MAN1A2: variants seen among roughly 807,000 people sequenced by gnomAD.
The protein encoded by MAN1A2 is mannosyl-oligosaccharide 1,2-alpha-mannosidase IB.
Under a neutral mutation model 75.7 loss-of-function variants are expected in MAN1A2, and 26 were observed. The ratio of observed to expected loss-of-function variants is 0.34; its 90% CI spans 0.25 to 0.48. MAN1A2 has a LOEUF of 0.48. Ranked by LOEUF, MAN1A2 falls within the 20% of genes least tolerant of loss-of-function variation. The pLI is 0.99. For missense variants in MAN1A2, 562 were observed against 775.5 expected (o/e 0.72, Z 3.27); for synonymous variants, 247 against 264.6 (o/e 0.93, Z 0.65).
chr1:117,380,115 G>A (rs907310860), intron 1 of MAN1A2, among the ~76,000 whole-genome samples: 1 of 151,870 alleles, frequency 6.6e-6, no homozygotes, highest in African/African-American at 2.4e-5. Flanking sequence ...GCAATATAGA[G>A]GTTCTAATTT....
chr1:117,445,325 G>C (rs1649176684), intron 6 of MAN1A2, among the ~76,000 whole-genome samples: 1 of 152,116 alleles, frequency 6.6e-6, no homozygotes, highest in African/African-American at 2.4e-5. Context: ...GCCTTTGTCA[G>C]ATTTTGGTGT....
intron 1 of MAN1A2, among the ~76,000 whole-genome samples, chr1:117,394,334 G>A (rs1348482773): frequency 2.6e-5 from 4 of 151,974 alleles, no homozygotes; most frequent in African/African-American, 7.2e-5. Context: ...CGCCCGCCTC[G>A]GCCTCCCAAA....
intron 1 of MAN1A2, among the ~76,000 whole-genome samples, chr1:117,384,566 T>A (rs926644477): frequency 1.3e-5 from 2 of 152,162 alleles, no homozygotes; most frequent in African/African-American, 4.8e-5. Context: ...GAAGAATGTC[T>A]GTTCTGCTGT....
At chr1:117,419,962 A>C (rs888725813) in intron 4 of MAN1A2, among the ~76,000 whole-genome samples, 1 of 152,006 alleles carries the variant, frequency 6.6e-6, no homozygotes, top group African/African-American at 2.4e-5. Context: ...TCTACTTTAA[A>C]AATTTTTTTA....
intron 3 of MAN1A2, among the ~76,000 whole-genome samples, chr1:117,413,765 G>A (rs370872638): frequency 3.9e-5 from 6 of 152,114 alleles, no homozygotes; most frequent in East Asian, 3.9e-4. Context: ...AGTAAGCTGT[G>A]TGGATCATTT....
intron 6 of MAN1A2, among the ~76,000 whole-genome samples, chr1:117,445,620 G>A (rs373888752): frequency 5.1e-4 from 78 of 151,762 alleles, no homozygotes; most frequent in African/African-American, 1.4e-3. Flanking sequence ...TTGACCTGCC[G>A]GGCTTAAGTG....
At chr1:117,518,466 A>T (rs1369572565) in intron 12 of MAN1A2, among the ~76,000 whole-genome samples, 1 of 152,004 alleles carries the variant, frequency 6.6e-6, no homozygotes, top group Non-Finnish European at 1.5e-5. Context: ...AGGTGAAACC[A>T]TTTTGTAAAA....
chr1:117,487,853 G>T (rs918169824), intron 8 of MAN1A2, among the ~76,000 whole-genome samples: 2 of 151,942 alleles, frequency 1.3e-5, no homozygotes, highest in East Asian at 1.9e-4. Context: ...TACAAGTTAT[G>T]TGTTAACTTT....
At position 117,449,989 on chromosome 1, in the gene MAN1A2, G is replaced by T. The variant is rs1001771122; in HGVS notation, c.950+7664G>T. Among the ~76,000 whole-genome samples the T allele has an allele frequency of 2.0e-5, 3 of 152,214 alleles. No homozygotes were observed. The East Asian group carries it at 5.8e-4, about 29-fold the overall frequency. On this transcript the variant is annotated intron_variant, in intron 6 of 12. Transcript: ENST00000356554. ...GTGATGGGTGAAGCAGCAAGTACCA[G>T]TAGAGTGGGACATCGCTGAAAAGAT...
chr1:117,490,131 C>T (rs1650833963), intron 8 of MAN1A2, among the ~76,000 whole-genome samples: 1 of 151,600 alleles, frequency 6.6e-6, no homozygotes, highest in South Asian at 2.1e-4. Flanking sequence ...ATAGGCATAC[C>T]CATATGTTTA....
rs780071350 is a variant in MAN1A2 at position 117,527,567 on chromosome 1, C to T, written c.*4610C>T. 2.6e-5 allele frequency: 4 copies of T among 151,978 alleles called. No individual in the cohort carries two copies. Among genetic ancestry groups the T allele is most frequent in the South Asian group, 2.1e-4 (1 of 4,818 alleles). 9.4% of individuals were successfully genotyped at this position (151,978 alleles called of 1,614,324 possible). ...CCTGGAGTCTGTTCAGGTTTCAGGA[C>T]GATTGACTATAATGAAAGAGACAGA... On this transcript the variant is annotated 3_prime_UTR_variant, in exon 13 of 13. Transcript: ENST00000356554.
rs895436760 is a variant in MAN1A2, at chr1:117,525,436, C to T, written c.*2479C>T. On this transcript the variant is annotated 3_prime_UTR_variant, in exon 13 of 13. Coordinates refer to ENST00000356554, the MANE Select transcript of MAN1A2 (RefSeq NM_006699.5). ...AATTCTTATCCCATATAATGCTTAG[C>T]TTCCAAGAATATTCTTTACTTTCTT... 1 of 181,726 alleles carries T rather than the reference C, an allele frequency of 5.5e-6. No individual in the cohort carries two copies. The highest frequency in any genetic ancestry group is 2.3e-5 in the African/African-American group (1 of 42,596). 11.3% of individuals were successfully genotyped at this position (181,726 alleles called of 1,614,324 possible). A position where few individuals can be genotyped will look rare whatever the true frequency, so the allele number is the denominator to read the frequency against.
intron 8 of MAN1A2, among the ~76,000 whole-genome samples, chr1:117,474,845 C>G (rs1321439111): frequency 2.0e-5 from 3 of 151,910 alleles, no homozygotes; most frequent in Admixed American, 6.6e-5. Context: ...TGTTCCTTCT[C>G]TCAACCTCCT....
At chr1:117,507,996 C>G (rs1651425275) in intron 12 of MAN1A2, among the ~76,000 whole-genome samples, 1 of 151,614 alleles carries the variant, frequency 6.6e-6, no homozygotes, top group Non-Finnish European at 1.5e-5. Flanking sequence ...AGTAGCAGCA[C>G]TTGAATTGCT....
In MAN1A2 at chr1:117,489,896, G is replaced by A. The variant is rs563840001; in HGVS notation, c.1169-3251G>A. 1.2e-4 allele frequency among the ~76,000 whole-genome samples: 18 copies of A among 151,370 alleles called. 1 individual carries two copies. The South Asian group carries it at 3.8e-3, about 32-fold the overall frequency. ...TTTTCCTCACCAATTTAAAAACCAGGGATATTACTGTATGAGTGAATGAGG... is the reference window on the plus strand; with the variant it reads ...TTTTCCTCACCAATTTAAAAACCAGAGATATTACTGTATGAGTGAATGAGG... On this transcript the variant is annotated intron_variant, in intron 8 of 12. Coordinates refer to ENST00000356554, the MANE Select transcript of MAN1A2 (RefSeq NM_006699.5).
chr1:117,429,155 A>C (rs913495712), intron 5 of MAN1A2, among the ~76,000 whole-genome samples: 64 of 147,220 alleles, frequency 4.3e-4, no homozygotes, highest in African/African-American at 1.5e-3. Context: ...AAGGCAGAGG[A>C]ATTTTTCTTA....
intron 5 of MAN1A2, among the ~76,000 whole-genome samples, chr1:117,438,130 T>A (rs1178657987): frequency 6.6e-6 from 1 of 152,226 alleles, no homozygotes; most frequent in African/African-American, 2.4e-5. Context: ...AATGGATATG[T>A]TGGTGGTTGC....
chr1:117,465,561 T>C (rs1649956334), intron 7 of MAN1A2, among the ~76,000 whole-genome samples: 2 of 152,158 alleles, frequency 1.3e-5, no homozygotes, highest in African/African-American at 4.8e-5. Context: ...TATCAGGTCC[T>C]CTGAAAAAGA....
chr1:117,517,722 A>G (rs1042485571), intron 12 of MAN1A2, among the ~76,000 whole-genome samples: 2 of 152,100 alleles, frequency 1.3e-5, no homozygotes, highest in Non-Finnish European at 2.9e-5. Flanking sequence ...GGACCCCCAA[A>G]AAAACCCTTT....
Sources: gnomAD v4.1 joint callset for allele counts (sites outside exome capture counted in the v4.1 genomes callset) on GRCh38, gnomAD v4.1.1 for gene constraint, MANE v1.5 for transcripts, NCBI Gene and HGNC (gene_info 2026-07-23, HGNC 2026-07-21) for gene names.